Variants in DAB1 observed in about 807,000 individuals in gnomAD.
DAB1 encodes disabled homolog 1.
A neutral mutation model predicts 64.6 loss-of-function variants in DAB1; 15 were observed. The observed-to-expected ratio is 0.23, with a 90% CI of 0.16 to 0.36. The LOEUF is 0.36. Ranked by LOEUF, DAB1 falls within the 10% of genes least tolerant of loss-of-function variation. DAB1 has a pLI of 1.00. For missense variants in DAB1, 596 were observed against 706.7 expected, an observed-to-expected ratio of 0.84 and a Z score of 1.78; for synonymous variants, 235 against 251.9, an observed-to-expected ratio of 0.93 and a Z score of 0.64.
At chr1:57,301,517 A>T (rs544062435) in intron 1 of DAB1, among the ~76,000 whole-genome samples, 1 of 152,272 alleles carries the variant, frequency 6.6e-6, no homozygotes, top group South Asian at 2.1e-4. Context: ...AACTATTGCT[A>T]TTCCCTAGGG....
At chr1:58,192,684 GC>G (rs1657454492) in intron 4 of DAB1, among the ~76,000 whole-genome samples, 1 of 151,918 alleles carries the variant, frequency 6.6e-6, no homozygotes, top group African/African-American at 2.4e-5. Context: ...TGTATGTCTC[GC>G]ATTTTCTTTA....
intron 5 of DAB1, among the ~76,000 whole-genome samples, chr1:58,108,123 A>AGG (rs919292668): frequency 2.0e-5 from 3 of 152,190 alleles, no homozygotes; most frequent in African/African-American, 7.2e-5. Context: ...TCTGAGAGCA[A>AGG]GGGGGAGCCC....
chr1:57,406,517 A>G (rs1426910398), intron 1 of DAB1, among the ~76,000 whole-genome samples: 1 of 152,210 alleles, frequency 6.6e-6, no homozygotes, highest in Non-Finnish European at 1.5e-5. Flanking sequence ...ATACTGAATA[A>G]ATGGATGAAG....
chr1:57,379,510 A>C (rs975534290), intron 1 of DAB1, among the ~76,000 whole-genome samples: 1 of 152,184 alleles, frequency 6.6e-6, no homozygotes, highest in East Asian at 1.9e-4. Flanking sequence ...GTTAGAATAA[A>C]GGTAAACTGG....
intron 4 of DAB1, among the ~76,000 whole-genome samples, chr1:58,196,763 G>A (rs956920277): frequency 7.2e-5 from 11 of 152,222 alleles, no homozygotes; most frequent in East Asian, 1.9e-4. Context: ...TACCATGAGA[G>A]CAGCACGGGG....
At chr1:57,809,522 TACC>T (rs1223453400) in intron 6 of DAB1, among the ~76,000 whole-genome samples, 1 of 152,228 alleles carries the variant, frequency 6.6e-6, no homozygotes, top group African/African-American at 2.4e-5. Flanking sequence ...GTACTCCCTT[TACC>T]TTAAAAAGTT....
At chr1:57,047,254 C>A (rs1648620138) in intron 9 of DAB1, among the ~76,000 whole-genome samples, 2 of 152,162 alleles carry the variant, frequency 1.3e-5, no homozygotes, top group South Asian at 2.1e-4. Context: ...CTAGCACAGT[C>A]CATTGCTTGG....
intron 5 of DAB1, among the ~76,000 whole-genome samples, chr1:58,081,179 T>A: frequency 6.6e-6 from 1 of 152,298 alleles, no homozygotes; most frequent in South Asian, 2.1e-4. Context: ...TGGACACTTA[T>A]GAGGTTTGTA....
rs1019290591 is a variant in DAB1, at chr1:57,238,856, C to T, written c.67+52108G>A. On this transcript the variant is annotated intron_variant, in intron 2 of 14. Transcript: ENST00000371236. ...GTGCACATGCGCACACACACACACA[C>T]ACATACACACACACACACACACACA... 3.9e-3 allele frequency among the ~76,000 whole-genome samples: 547 copies of T among 141,666 alleles called. 1 individual carries two copies. Among genetic ancestry groups the T allele is most frequent in the Middle Eastern group, 0.011 (3 of 278 alleles). The allele number at this position is 141,666 out of a possible 152,430, so 92.9% of individuals were successfully genotyped here. A position where few individuals can be genotyped will look rare whatever the true frequency, so the allele number is the denominator to read the frequency against.
chr1:57,250,338 A>G (rs488405), intron 2 of DAB1, among the ~76,000 whole-genome samples: 89,053 of 152,058 alleles, frequency 0.59, 26,289 homozygotes, highest in Admixed American at 0.66. Context: ...CTAATGTTTC[A>G]ATATCTTTGT....
chr1:58,096,121 C>T (rs920735974), intron 5 of DAB1, among the ~76,000 whole-genome samples: 6 of 152,106 alleles, frequency 3.9e-5, no homozygotes, highest in Non-Finnish European at 5.9e-5. Flanking sequence ...CAAAATATTA[C>T]GACTTTAAAA....
At chr1:57,610,739 T>C (rs1335070361) in intron 7 of DAB1, among the ~76,000 whole-genome samples, 2 of 152,292 alleles carry the variant, frequency 1.3e-5, no homozygotes, top group South Asian at 4.1e-4. Flanking sequence ...TTAGGTCTTA[T>C]GAGAACTCAC....
At chr1:58,055,546 C>T (rs1648001257) in intron 5 of DAB1, among the ~76,000 whole-genome samples, 1 of 152,114 alleles carries the variant, frequency 6.6e-6, no homozygotes, top group Non-Finnish European at 1.5e-5. Flanking sequence ...TCTACTTTTC[C>T]TATCAGAATG....
upstream of DAB1, among the ~76,000 whole-genome samples, chr1:57,885,624 G>A (rs1434720126): frequency 6.6e-6 from 1 of 152,130 alleles, no homozygotes; most frequent in Non-Finnish European, 1.5e-5. Flanking sequence ...AACAAAATAT[G>A]TTCTTACTTT....
At chr1:57,854,391 A>C (rs184554172) in intron 1 of DAB1, among the ~76,000 whole-genome samples, 29 of 152,246 alleles carry the variant, frequency 1.9e-4, no homozygotes, top group African/African-American at 7.0e-4. Flanking sequence ...TGTGAATGTC[A>C]CCATTGTGAG....
At chr1:58,487,807 T>C (rs1221342621) in intron 3 of DAB1, among the ~76,000 whole-genome samples, 1 of 152,140 alleles carries the variant, frequency 6.6e-6, no homozygotes, top group Non-Finnish European at 1.5e-5. Flanking sequence ...ACACATATAC[T>C]TTAATTACTT....
chr1:58,074,596 T>TTATATATGTATATATA (rs1649528012), intron 5 of DAB1, among the ~76,000 whole-genome samples: 1 of 81,040 alleles, frequency 1.2e-5, no homozygotes, highest in Non-Finnish European at 2.6e-5. Flanking sequence ...ATATATATAT[T>TTATATATGTATATATA]TGAGAAACAG....
intron 3 of DAB1, among the ~76,000 whole-genome samples, chr1:58,370,044 A>G (rs1644250221): frequency 6.6e-6 from 1 of 152,258 alleles, no homozygotes; most frequent in Non-Finnish European, 1.5e-5. Context: ...TCTAGGACCC[A>G]GTGATGCCAT....
chr1:57,029,613 G>A (rs1212001466), intron 9 of DAB1, among the ~76,000 whole-genome samples: 1 of 152,180 alleles, frequency 6.6e-6, no homozygotes, highest in Admixed American at 6.5e-5. Context: ...ACAGGGGAAG[G>A]GCTGCCCAAG....
Sources: allele counts gnomAD v4.1 joint callset (sites outside exome capture counted in the v4.1 genomes callset), GRCh38; gene constraint gnomAD v4.1.1; transcripts MANE v1.5; gene names NCBI Gene and HGNC (gene_info 2026-07-23, HGNC 2026-07-21).